Variants in FGD3 observed in about 807,000 individuals in gnomAD.
The protein encoded by FGD3 is FYVE, RhoGEF and PH domain containing 3, also known as FYVE, RhoGEF and PH domain-containing protein 3.
A neutral mutation model predicts 71.8 loss-of-function variants in FGD3; 45 were observed. That is an observed-to-expected ratio of 0.63 (90% CI 0.49 to 0.80). The LOEUF (loss-of-function observed/expected upper bound fraction) is 0.80. Ranked by LOEUF, FGD3 falls within the 30% of genes least tolerant of loss-of-function variation. The pLI, the probability that FGD3 is intolerant of heterozygous loss-of-function variation, is 0.00. For synonymous variants in FGD3, 378 were observed against 392.8 expected (o/e 0.96, Z 0.44); for missense variants, 844 against 951.5 (o/e 0.89, Z 1.49).
chr9:93,010,165 G>A (rs1228067979), intron 6 of FGD3, 81 bp from the exon 7 acceptor site: 2 of 1,508,268 alleles, frequency 1.3e-6, no homozygotes, highest in Non-Finnish European at 1.8e-6. Flanking sequence ...AGCTTCCTGG[G>A]GCTGTGGTGG....
At chr9:92,955,551 C>T (rs1859035597) in intron 1 of FGD3, among the ~76,000 whole-genome samples, 1 of 152,186 alleles carries the variant, frequency 6.6e-6, no homozygotes, top group Non-Finnish European at 1.5e-5. Flanking sequence ...TTTGAAATGA[C>T]TGTATAGACA....
chr9:92,982,031 C>T (rs371019754), intron 3 of FGD3, among the ~76,000 whole-genome samples: 9 of 152,168 alleles, frequency 5.9e-5, no homozygotes, highest in Admixed American at 3.3e-4. Context: ...ATATACTATA[C>T]GATTGTTAAC....
rs534175740 is a variant in FGD3, at chr9:92,986,068, G to A, written c.453+9359G>A. The stretch of plus-strand genomic sequence containing the variant: ...TTGACAACAGAGGAAATACCAGAGT[G>A]AACAGTGGGCCCCCTGCTCATCCTT... On this transcript the variant is annotated intron_variant, in intron 3 of 17. Transcript: ENST00000375482. 1.1e-4 allele frequency among the ~76,000 whole-genome samples: 16 copies of A among 152,238 alleles called. No individual in the cohort carries two copies. In the South Asian group the frequency reaches 2.7e-3, roughly 26 times the overall value.
intron 1 of FGD3, among the ~76,000 whole-genome samples, chr9:92,950,795 A>G (rs1858940107): frequency 6.6e-6 from 1 of 152,162 alleles, no homozygotes; most frequent in Non-Finnish European, 1.5e-5. Context: ...AGATGAGTCC[A>G]CCCAGGAGGA....
chr9:93,007,092 A>G (rs1389232818), intron 6 of FGD3, among the ~76,000 whole-genome samples: 2 of 148,730 alleles, frequency 1.3e-5, no homozygotes, highest in Admixed American at 6.8e-5. Flanking sequence ...TTATTCATTT[A>G]TTTTTTAATT....
At chr9:93,023,243 C>G (rs1379787027) in intron 14 of FGD3, among the ~76,000 whole-genome samples, 1 of 152,170 alleles carries the variant, frequency 6.6e-6, no homozygotes, top group Admixed American at 6.5e-5. Context: ...ACGGGTCTTT[C>G]CAGGTGGGCT....
chr9:92,988,088 C>T (rs1860257798), intron 3 of FGD3, among the ~76,000 whole-genome samples: 1 of 152,138 alleles, frequency 6.6e-6, no homozygotes, highest in Admixed American at 6.5e-5. Flanking sequence ...AAAAATTAGG[C>T]ACAAGGACAC....
intron 9 of FGD3, 189 bp from the exon 10 acceptor site, chr9:93,015,543 TAAAGC>T: frequency 2.3e-6 from 1 of 433,094 alleles, no homozygotes; most frequent in South Asian, 6.2e-5. Context: ...TGAACAAAAA[TAAAGC>T]TAGCGACTAG....
intron 1 of FGD3, among the ~76,000 whole-genome samples, chr9:92,948,273 C>G (rs1858892558): frequency 1.3e-5 from 2 of 152,188 alleles, no homozygotes; most frequent in Admixed American, 1.3e-4. Flanking sequence ...GGCATTTCCC[C>G]TAAGTGTCAC....
chr9:93,030,321 A>G (rs1221848350), intron 15 of FGD3, among the ~76,000 whole-genome samples: 1 of 152,162 alleles, frequency 6.6e-6, no homozygotes, highest in Non-Finnish European at 1.5e-5. Context: ...TGCAAGGTGT[A>G]TTGGAGACGG....
chr9:92,948,733 A>G (rs1858900629), intron 1 of FGD3, among the ~76,000 whole-genome samples: 1 of 152,214 alleles, frequency 6.6e-6, no homozygotes, highest in Admixed American at 6.5e-5. Flanking sequence ...ACATTTCTCA[A>G]CAGCAGGGAA....
intron 15 of FGD3, among the ~76,000 whole-genome samples, chr9:93,032,016 C>T (rs1379051687): frequency 2.6e-5 from 4 of 152,164 alleles, no homozygotes; most frequent in Non-Finnish European, 5.9e-5. Flanking sequence ...AGGAGCACTC[C>T]TTGGCTAAAT....
At chr9:93,016,714 C>A (rs1246161252) in intron 10 of FGD3, among the ~76,000 whole-genome samples, 1 of 148,658 alleles carries the variant, frequency 6.7e-6, no homozygotes, top group African/African-American at 2.5e-5. Flanking sequence ...ACCTCCACCT[C>A]CTAGGTTCAA....
chr9:92,976,231 T>A lies in FGD3; in HGVS notation c.-26T>A. ...AGGAAGCCCCTGGCCAGCCTCCACC[T>A]GAGCCCAGTGAGCTCAGCTTTAAGG... On this transcript the variant is annotated 5_prime_UTR_variant, in exon 3 of 18. Transcript: ENST00000375482. The A allele has an allele frequency of 6.6e-7, 1 of 1,521,232 alleles. No homozygotes were observed. Among genetic ancestry groups the A allele is most frequent in the Non-Finnish European group, 8.9e-7 (1 of 1,129,928 alleles). 94.2% of individuals were successfully genotyped at this position (1,521,232 alleles called of 1,614,324 possible).
intron 6 of FGD3, among the ~76,000 whole-genome samples, chr9:93,009,455 G>T (rs1462216729): frequency 6.6e-6 from 1 of 152,208 alleles, no homozygotes; most frequent in Non-Finnish European, 1.5e-5. Flanking sequence ...TGAGGCCCTT[G>T]AGTTGCTGGC....
At position 93,003,926 on chromosome 9, in the gene FGD3, T is replaced by C. The variant is rs1338259713; in HGVS notation, c.544-75T>C. On this transcript the variant is annotated intron_variant, in intron 4 of 17. Transcript: ENST00000375482. This position sits in a 1 kb window ranked among gnomAD's most constrained non-coding sequence, Gnocchi z 4.1. ...GCGGCCCCTCCCGAGCGCCCTCACC[T>C]GTGGCCGAAGCGGGGCGGCAACTGT... 4 of 1,586,614 alleles carry C rather than the reference T, an allele frequency of 2.5e-6. No homozygotes were observed. The Admixed American group carries it at 6.8e-5, about 27-fold the overall frequency.
chr9:92,960,420 G>A (rs1205488676), intron 1 of FGD3, among the ~76,000 whole-genome samples: 1 of 152,130 alleles, frequency 6.6e-6, no homozygotes, highest in Non-Finnish European at 1.5e-5. Context: ...CTTATGCTGT[G>A]TGCTTGGTAA....
chr9:92,977,565 C>A (rs1859812932), intron 3 of FGD3, among the ~76,000 whole-genome samples: 2 of 152,000 alleles, frequency 1.3e-5, no homozygotes, highest in Non-Finnish European at 2.9e-5. Flanking sequence ...GCTGGCTTGG[C>A]GGAGACGAGG....
intron 3 of FGD3, among the ~76,000 whole-genome samples, chr9:92,985,945 C>T (rs1280913561): frequency 6.6e-6 from 1 of 152,192 alleles, no homozygotes; most frequent in African/African-American, 2.4e-5. Context: ...TTCCTATTAT[C>T]TTGAATAGGG....
Sources: allele counts gnomAD v4.1 joint callset (sites outside exome capture counted in the v4.1 genomes callset), GRCh38; gene constraint gnomAD v4.1.1; non-coding constraint Gnocchi (gnomAD v3.1); transcripts MANE v1.5; gene names NCBI Gene and HGNC (gene_info 2026-07-23, HGNC 2026-07-21).